The following EFCAB6 variants were observed in gnomAD, a reference collection of about 807,000 sequenced individuals.
The protein encoded by EFCAB6 is EF-hand calcium binding domain 6.
EFCAB6 carries 156 observed loss-of-function variants against 169.8 expected under a neutral mutation model. The ratio of observed to expected loss-of-function variants is 0.92; its 90% CI spans 0.81 to 1.05. The LOEUF (loss-of-function observed/expected upper bound fraction) is 1.05. EFCAB6 is among the 50% of genes least tolerant of loss of function. The pLI is 0.00. For synonymous variants in EFCAB6, 698 were observed against 676.4 expected, an observed-to-expected ratio of 1.03 and a Z score of -0.50; for missense variants, 1,800 against 1,829.1, an observed-to-expected ratio of 0.98 and a Z score of 0.29.
At chr22:43,610,710 T>G (rs2053241689) in intron 21 of EFCAB6, among the ~76,000 whole-genome samples, 1 of 152,188 alleles carries the variant, frequency 6.6e-6, no homozygotes, top group Non-Finnish European at 1.5e-5. Context: ...TTTATATACT[T>G]CATTGTAGAG....
At chr22:43,564,958 T>A (rs2049329805) in intron 26 of EFCAB6, among the ~76,000 whole-genome samples, 1 of 152,198 alleles carries the variant, frequency 6.6e-6, no homozygotes, top group Non-Finnish European at 1.5e-5. Context: ...TTGGGGTCTG[T>A]CACCTCTATG....
chr22:43,689,379 A>ACACACACACACACACACACAC (rs1569394500), intron 10 of EFCAB6, among the ~76,000 whole-genome samples: 1 of 149,944 alleles, frequency 6.7e-6, no homozygotes, highest in Non-Finnish European at 1.5e-5. Context: ...ACACACACAC[A>ACACACACACACACACACACAC]GCAGCATCTT....
chr22:43,734,559 G>A (rs1490240802), intron 7 of EFCAB6, among the ~76,000 whole-genome samples: 3 of 152,118 alleles, frequency 2.0e-5, no homozygotes, highest in East Asian at 3.8e-4. Flanking sequence ...ATAAAACACT[G>A]TTTTGTTTTT....
intron 2 of EFCAB6, among the ~76,000 whole-genome samples, chr22:43,784,907 A>G (rs1015683075): frequency 2.6e-5 from 4 of 151,546 alleles, no homozygotes; most frequent in Non-Finnish European, 1.5e-5. Flanking sequence ...GAAAGAAACA[A>G]AAGAAAATGA....
intron 24 of EFCAB6, among the ~76,000 whole-genome samples, chr22:43,587,350 T>C (rs1315997447): frequency 6.6e-6 from 1 of 152,226 alleles, no homozygotes; most frequent in Non-Finnish European, 1.5e-5. Flanking sequence ...TTCCTATGGC[T>C]TTGTACCAAA....
intron 20 of EFCAB6, among the ~76,000 whole-genome samples, chr22:43,616,493 T>A (rs996995855): frequency 1.2e-4 from 19 of 152,186 alleles, no homozygotes; most frequent in African/African-American, 4.3e-4. Context: ...TGAAACCCCG[T>A]CTCTACTAAA....
At chr22:43,564,745 GGCCCCAGTAAAGA>G (rs1602291977) in intron 26 of EFCAB6, among the ~76,000 whole-genome samples, 1 of 152,194 alleles carries the variant, frequency 6.6e-6, no homozygotes, top group East Asian at 1.9e-4. Context: ...TCTATGAGGT[GGCCCCAGTAAAGA>G]GCCCTCTAAT....
chr22:43,576,169 T>G, intron 26 of EFCAB6, 128 bp downstream of exon 26: 1 of 689,410 alleles, frequency 1.5e-6, no homozygotes, highest in Non-Finnish European at 2.2e-6. Flanking sequence ...AGTTTTTCAT[T>G]TAGAATGAGC....
chr22:43,707,273 TAA>T (rs933893711), intron 10 of EFCAB6, among the ~76,000 whole-genome samples: 6 of 152,210 alleles, frequency 3.9e-5, no homozygotes, highest in East Asian at 3.9e-4. Context: ...AAAGACAGTT[TAA>T]GAGACATGAA....
At chr22:43,743,592 G>A (rs754119407) in intron 6 of EFCAB6, among the ~76,000 whole-genome samples, 5 of 152,180 alleles carry the variant, frequency 3.3e-5, no homozygotes, top group Non-Finnish European at 5.9e-5. Flanking sequence ...CTTCACACAC[G>A]GAACACGTTC....
chr22:43,555,046 A>T lies in EFCAB6; in HGVS notation c.3471T>A (p.Ser1157=), dbSNP rs754689634. The change falls in exon 27 of 32, where the codon TCT becomes TCA. Residue 1157 remains serine (S), a synonymous_variant. Coordinates refer to ENST00000262726, the MANE Select transcript of EFCAB6 (RefSeq NM_022785.4). ...EKMPKGPPPT[S]PKATADRDIL... ...TGTCTCTGTCGGCTGTGGCCTTGGG[A>T]GAGGTAGGCGGCGGGCCTTTGGGCA... 6.2e-7 allele frequency: 1 copy of T among 1,613,990 alleles called. No homozygotes were observed. Among genetic ancestry groups the T allele is most frequent in the Non-Finnish European group, 8.5e-7 (1 of 1,179,996 alleles).
At chr22:43,677,968 C>A (rs1331748159) in intron 13 of EFCAB6, 28 bp downstream of exon 13, 3 of 1,588,712 alleles carry the variant, frequency 1.9e-6, no homozygotes, top group Non-Finnish European at 2.6e-6. Flanking sequence ...AAAGAGAAAA[C>A]CAAACAGGAA....
chr22:43,800,913 G>C (rs942170014), intron 2 of EFCAB6, among the ~76,000 whole-genome samples: 7 of 152,100 alleles, frequency 4.6e-5, no homozygotes, highest in Non-Finnish European at 2.9e-5. Context: ...GGGGTACAAA[G>C]CTTATTCAAA....
intron 2 of EFCAB6, 55 bp from the exon 3 acceptor site, chr22:43,782,380 G>A (rs2148037691): frequency 6.6e-7 from 1 of 1,520,386 alleles, no homozygotes; most frequent in Non-Finnish European, 9.0e-7. Context: ...CATTCCAAAT[G>A]TGGCCAATTT....
intron 31 of EFCAB6, 137 bp from the exon 32 acceptor site, chr22:43,529,112 C>T: frequency 1.9e-6 from 2 of 1,042,278 alleles, no homozygotes; most frequent in Non-Finnish European, 2.7e-6. Flanking sequence ...CATCTGTGCG[C>T]TCTCTCTATG....
At chr22:43,595,023 T>A (rs1453672977) in intron 23 of EFCAB6, among the ~76,000 whole-genome samples, 1 of 152,066 alleles carries the variant, frequency 6.6e-6, no homozygotes, top group Non-Finnish European at 1.5e-5. Flanking sequence ...TGCTCCTGAA[T>A]GACCACTCAT....
At chr22:43,799,566 T>C (rs1226844483) in intron 2 of EFCAB6, among the ~76,000 whole-genome samples, 1 of 152,220 alleles carries the variant, frequency 6.6e-6, no homozygotes, top group African/African-American at 2.4e-5. Flanking sequence ...CTGGGAGATG[T>C]TGGAAGTACA....
intron 17 of EFCAB6, among the ~76,000 whole-genome samples, chr22:43,642,270 C>G (rs967178547): frequency 1.3e-5 from 2 of 152,170 alleles, no homozygotes; most frequent in African/African-American, 4.8e-5. Context: ...TCCCTCCGTG[C>G]CTGGAAACCT....
intron 27 of EFCAB6, chr22:43,554,647 C>A: frequency 1.8e-6 from 1 of 556,010 alleles, no homozygotes; most frequent in Non-Finnish European, 3.2e-6. Context: ...ATTTTAAAGG[C>A]AACAGTGACA....
Sources: gnomAD v4.1 joint callset for allele counts (sites outside exome capture counted in the v4.1 genomes callset) on GRCh38, gnomAD v4.1.1 for gene constraint, MANE v1.5 for transcripts, NCBI Gene and HGNC (gene_info 2026-07-23, HGNC 2026-07-21) for gene names.